The following NRXN3 variants were observed in gnomAD, a reference collection of about 807,000 sequenced individuals.
NRXN3 encodes the protein neurexin III.
A neutral mutation model predicts 137.6 loss-of-function variants in NRXN3; 32 were observed. The ratio of observed to expected loss-of-function variants is 0.23; its 90% CI spans 0.18 to 0.31. The LOEUF is 0.31. NRXN3 is among the 10% of genes least tolerant of loss of function. The pLI is 1.00. For missense variants in NRXN3, 1,574 were observed against 2,062.5 expected (o/e 0.76, Z 4.59); for synonymous variants, 798 against 784.5 (o/e 1.02, Z -0.29).
intron 15 of NRXN3, among the ~76,000 whole-genome samples, chr14:79,192,188 G>A (rs142745564): frequency 6.6e-6 from 1 of 152,258 alleles, no homozygotes; most frequent in East Asian, 1.9e-4. Context: ...TGGGATCTTA[G>A]CACTTACTTG....
chr14:79,042,611 G>C (rs1054425337), intron 15 of NRXN3, among the ~76,000 whole-genome samples: 1 of 152,192 alleles, frequency 6.6e-6, no homozygotes, highest in African/African-American at 2.4e-5. Context: ...TAAATAGAAT[G>C]GGAGTATGTA....
intron 16 of NRXN3, among the ~76,000 whole-genome samples, chr14:79,501,895 A>T (rs953410512): frequency 6.6e-6 from 1 of 152,196 alleles, no homozygotes; most frequent in Non-Finnish European, 1.5e-5. Context: ...TTTTTATCTG[A>T]TTGGGATATT....
chr14:79,391,316 C>T (rs2153473322), intron 15 of NRXN3, among the ~76,000 whole-genome samples: 1 of 152,256 alleles, frequency 6.6e-6, no homozygotes, highest in African/African-American at 2.4e-5. Context: ...GGAAATAATT[C>T]TGTACTCCAG....
At chr14:78,558,719 A>G (rs1028862336) in intron 4 of NRXN3, among the ~76,000 whole-genome samples, 39 of 152,182 alleles carry the variant, frequency 2.6e-4, no homozygotes, top group African/African-American at 9.2e-4. Flanking sequence ...TGATTTTCTT[A>G]CCATGTAAAA....
intron 19 of NRXN3, among the ~76,000 whole-genome samples, chr14:79,709,093 C>A (rs2098793044): frequency 6.6e-6 from 1 of 152,022 alleles, no homozygotes; most frequent in Non-Finnish European, 1.5e-5. Context: ...CCTGGGTAAT[C>A]TTATTAAGCA....
At chr14:79,425,126 GC>G (rs1355727353) in intron 15 of NRXN3, among the ~76,000 whole-genome samples, 3 of 152,136 alleles carry the variant, frequency 2.0e-5, no homozygotes, top group Admixed American at 6.5e-5. Context: ...CAAGTTGCTG[GC>G]CCTTTGGGAC....
chr14:79,223,407 G>A (rs1361869364), intron 15 of NRXN3, among the ~76,000 whole-genome samples: 1 of 151,996 alleles, frequency 6.6e-6, no homozygotes, highest in African/African-American at 2.4e-5. Context: ...CTAACTTTTT[G>A]TTTTAATATT....
chr14:79,776,565 T>C (rs2099097777), intron 19 of NRXN3, among the ~76,000 whole-genome samples: 1 of 152,166 alleles, frequency 6.6e-6, no homozygotes, highest in African/African-American at 2.4e-5. Flanking sequence ...AGGTTGTCAG[T>C]GTGTGCTGTT....
chr14:79,068,975 C>G (rs1297957779), intron 15 of NRXN3, among the ~76,000 whole-genome samples: 3 of 152,022 alleles, frequency 2.0e-5, no homozygotes, highest in African/African-American at 7.2e-5. Flanking sequence ...CTTGTTAATA[C>G]TAGCAGGAGA....
At chr14:78,681,338 G>C (rs2152743038) in intron 6 of NRXN3, among the ~76,000 whole-genome samples, 1 of 152,282 alleles carries the variant, frequency 6.6e-6, no homozygotes, top group African/African-American at 2.4e-5. Flanking sequence ...TTTGCTTCCA[G>C]ATTTGCAAAA....
At chr14:79,379,770 T>G (rs1421659293) in intron 15 of NRXN3, among the ~76,000 whole-genome samples, 1 of 152,058 alleles carries the variant, frequency 6.6e-6, no homozygotes, top group African/African-American at 2.4e-5. Flanking sequence ...TTGGCCACTT[T>G]CCCCCACTCT....
Position 78,224,852 on chromosome 14 carries a change from C to T in NRXN3, c.-703-17539C>T, listed in dbSNP as rs188113614. On this transcript the variant is annotated intron_variant, in intron 1 of 20. Coordinates refer to ENST00000335750, the MANE Select transcript of NRXN3 (RefSeq NM_001330195.2). ...CGCAATCTCGGCTCACTGCAAGCTCCGCTTCCCAGGTTCACGCCATTCTCC... is the reference window on the plus strand; with the variant it reads ...CGCAATCTCGGCTCACTGCAAGCTCTGCTTCCCAGGTTCACGCCATTCTCC... Among the ~76,000 whole-genome samples the T allele has an allele frequency of 5.3e-3, 775 of 147,226 alleles. 4 individuals are homozygous for T. The highest frequency in any genetic ancestry group is 0.018 in the African/African-American group (732 of 40,350).
intron 15 of NRXN3, among the ~76,000 whole-genome samples, chr14:79,228,898 G>A (rs905439225): frequency 6.6e-6 from 1 of 152,098 alleles, no homozygotes; most frequent in African/African-American, 2.4e-5. Flanking sequence ...ATTGGCATAC[G>A]TGTTACACTT....
intron 4 of NRXN3, among the ~76,000 whole-genome samples, chr14:78,470,442 C>A (rs868836853): frequency 6.6e-6 from 1 of 151,982 alleles, no homozygotes; most frequent in African/African-American, 2.4e-5. Context: ...TTTCTTTTCT[C>A]GGTGGGAGAG....
intron 15 of NRXN3, among the ~76,000 whole-genome samples, chr14:79,345,288 A>G (rs2092811857): frequency 6.6e-6 from 1 of 152,128 alleles, no homozygotes; most frequent in Non-Finnish European, 1.5e-5. Flanking sequence ...CAAAAGCCAT[A>G]TAAGATTTAT....
rs368679318 is a variant in NRXN3, at chr14:78,747,888, C to A, written c.2044+32749C>A. ...TATGCCTTGATCTAAAGCTTTTGTG[C>A]ATTATGGGACTTTCTCCGAATCCAT... On this transcript the variant is annotated intron_variant, in intron 8 of 20. Coordinates refer to ENST00000335750, the MANE Select transcript of NRXN3 (RefSeq NM_001330195.2). Among the ~76,000 whole-genome samples, 49 of 152,248 alleles carry A rather than the reference C, an allele frequency of 3.2e-4. No homozygotes were observed. The South Asian group carries it at 9.5e-3, about 30-fold the overall frequency.
In NRXN3 at chr14:79,579,460, G is replaced by T. The variant is rs185192458; in HGVS notation, c.3445-84318G>T. 2.4e-3 allele frequency among the ~76,000 whole-genome samples: 357 copies of T among 151,314 alleles called. 3 individuals are homozygous for T. The highest frequency in any genetic ancestry group is 0.01 in the Middle Eastern group (3 of 290). ...TTACAAACTTACTCCTTCAACGAAT[G>T]CATGTAGCCAATCTATGTGTGATGG... On this transcript the variant is annotated intron_variant, in intron 16 of 20. Coordinates refer to ENST00000335750, the MANE Select transcript of NRXN3 (RefSeq NM_001330195.2).
At chr14:78,487,053 C>T (rs2153745739) in intron 4 of NRXN3, among the ~76,000 whole-genome samples, 1 of 152,260 alleles carries the variant, frequency 6.6e-6, no homozygotes, top group African/African-American at 2.4e-5. Context: ...TTTTGATAAT[C>T]CTTCATTTCC....
intron 19 of NRXN3, among the ~76,000 whole-genome samples, chr14:79,735,461 T>G (rs193234620): frequency 6.6e-6 from 1 of 152,210 alleles, no homozygotes; most frequent in South Asian, 2.1e-4. Flanking sequence ...GGGGTTGACA[T>G]TAGCTTGAAC....
Sources: allele counts gnomAD v4.1 joint callset (sites outside exome capture counted in the v4.1 genomes callset), GRCh38; gene constraint gnomAD v4.1.1; transcripts MANE v1.5; gene names NCBI Gene and HGNC (gene_info 2026-07-23, HGNC 2026-07-21).